Variants in FAM53B observed in about 807,000 individuals in gnomAD.
The protein encoded by FAM53B is family with sequence similarity 53 member B.
A neutral mutation model predicts 32.7 loss-of-function variants in FAM53B; 12 were observed. That is an observed-to-expected ratio of 0.37 (90% confidence interval 0.24 to 0.59). The LOEUF (loss-of-function observed/expected upper bound fraction) is 0.59. Ranked by LOEUF, FAM53B falls within the 20% of genes least tolerant of loss-of-function variation. The pLI is 0.72. For missense variants in FAM53B, 477 were observed against 577.7 expected (o/e 0.83, Z 1.79); for synonymous variants, 234 against 228.7 (o/e 1.02, Z -0.21).
At chr10:124,723,397 C>G (rs1039079323) in intron 1 of FAM53B, among the ~76,000 whole-genome samples, 2 of 152,254 alleles carry the variant, frequency 1.3e-5, no homozygotes, top group African/African-American at 4.8e-5. Context: ...CACAGCACCT[C>G]CTGATTCACG....
intron 3 of FAM53B, among the ~76,000 whole-genome samples, chr10:124,683,974 G>A (rs183132249): frequency 6.6e-6 from 1 of 152,386 alleles, no homozygotes; most frequent in Non-Finnish European, 1.5e-5. Flanking sequence ...AGGGCCAGGA[G>A]CCCAGAGAAA....
Position 124,621,352 on chromosome 10 carries a change from G to A in FAM53B, c.*1890C>T, listed in dbSNP as rs1478563007. ...ACATGGTCTCCATGACCCCCAGGCA[G>A]GGACAGGCCAAGATGTCTCTGTCTG... On this transcript the variant is annotated 3_prime_UTR_variant, in exon 5 of 5. Transcript: ENST00000337318. 1 of 152,324 alleles carries A rather than the reference G, an allele frequency of 6.6e-6. No individual in the cohort carries two copies. The highest frequency in any genetic ancestry group is 1.5e-5 in the Non-Finnish European group (1 of 68,082). 9.4% of individuals were successfully genotyped at this position (152,324 alleles called of 1,614,324 possible).
In FAM53B at chr10:124,619,672, T is replaced by TTTCTC. The variant is rs1949293135; in HGVS notation, c.*3565_*3569dup. The TTTCTC allele has an allele frequency of 6.6e-6, 1 of 152,446 alleles. No homozygotes were observed. Among genetic ancestry groups the TTTCTC allele is most frequent in the Non-Finnish European group, 1.5e-5 (1 of 68,004 alleles). 9.4% of individuals were successfully genotyped at this position (152,446 alleles called of 1,614,324 possible). On this transcript the variant is annotated 3_prime_UTR_variant, in exon 5 of 5. Transcript: ENST00000337318. Reference sequence around the variant, plus strand: ...TCTGCCATTAAAAAAAAAAAAAATCTTTCTCTTCTTTTCTCTTTAAAGAGG... The same window carrying TTTCTC: ...TCTGCCATTAAAAAAAAAAAAAATCTTTCTCTTCTCTTCTTTTCTCTTTAAAGAGG...
At chr10:124,716,800 C>G (rs1465857364) in intron 1 of FAM53B, among the ~76,000 whole-genome samples, 1 of 152,050 alleles carries the variant, frequency 6.6e-6, no homozygotes. Context: ...GAGGAGAACT[C>G]ACACTTACCG....
rs541538833 is a variant in FAM53B at position 124,642,612 on chromosome 10, G to A, written c.907-19008C>T. ...GGCAGCAATGTCCCTGAGTGAACACGGAACCTGAAATCCCCGTGAGTCAGG... is the reference window on the plus strand; with the variant it reads ...GGCAGCAATGTCCCTGAGTGAACACAGAACCTGAAATCCCCGTGAGTCAGG... On this transcript the variant is annotated intron_variant, in intron 4 of 4. Transcript: ENST00000337318. Among the ~76,000 whole-genome samples, 353 of 152,348 alleles carry A rather than the reference G, an allele frequency of 2.3e-3. 3 individuals carry two copies. The highest frequency in any genetic ancestry group is 8.0e-3 in the African/African-American group (331 of 41,580).
chr10:124,689,571 G>A (rs1190825690), intron 3 of FAM53B, among the ~76,000 whole-genome samples: 2 of 152,240 alleles, frequency 1.3e-5, no homozygotes, highest in African/African-American at 4.8e-5. Context: ...AAGGGATTCC[G>A]ATGGCTAGAG....
chr10:124,724,675 G>C (rs1318453319), intron 1 of FAM53B, among the ~76,000 whole-genome samples: 2 of 152,182 alleles, frequency 1.3e-5, no homozygotes, highest in African/African-American at 4.8e-5. Context: ...GTAGGAAGCT[G>C]CAAAACGGTT....
intron 1 of FAM53B, among the ~76,000 whole-genome samples, chr10:124,708,217 T>A (rs1379367340): frequency 6.6e-6 from 1 of 152,228 alleles, no homozygotes; most frequent in East Asian, 1.9e-4. Flanking sequence ...TGTGTAAAAA[T>A]TAATTGCACC....
chr10:124,706,946 A>T, intron 1 of FAM53B, 59 bp from the exon 2 acceptor site: 1 of 1,380,462 alleles, frequency 7.2e-7, no homozygotes. Context: ...GGGCCCTGAG[A>T]GTCACCCCTC....
intron 4 of FAM53B, among the ~76,000 whole-genome samples, chr10:124,677,773 T>C (rs1406908865): frequency 6.6e-6 from 1 of 152,178 alleles, no homozygotes; most frequent in African/African-American, 2.4e-5. Flanking sequence ...CCCACTGCCA[T>C]TAACTGGACA....
chr10:124,698,670 T>C (rs1949891592), intron 2 of FAM53B, among the ~76,000 whole-genome samples: 1 of 151,992 alleles, frequency 6.6e-6, no homozygotes, highest in African/African-American at 2.4e-5. Flanking sequence ...GAAAACTGAC[T>C]CCTCACCACC....
At position 124,620,214 on chromosome 10, in the gene FAM53B, C is replaced by G. The variant is rs2134030626; in HGVS notation, c.*3028G>C. Reference sequence around the variant, plus strand: ...CAGGTGCACGTCTGCCCGTGCAAATCCGGCCTCCACCGCGAGTAAGGCAAG... The same window carrying G: ...CAGGTGCACGTCTGCCCGTGCAAATGCGGCCTCCACCGCGAGTAAGGCAAG... On this transcript the variant is annotated 3_prime_UTR_variant, in exon 5 of 5. Coordinates refer to ENST00000337318, the MANE Select transcript of FAM53B (RefSeq NM_014661.4). 1 of 152,740 alleles carries G rather than the reference C, an allele frequency of 6.5e-6. No individual in the cohort carries two copies. The highest frequency in any genetic ancestry group is 2.1e-4 in the South Asian group (1 of 4,834). The allele number at this position is 152,740 out of a possible 1,614,324, so 9.5% of individuals were successfully genotyped here.
intron 4 of FAM53B, among the ~76,000 whole-genome samples, chr10:124,671,581 C>T (rs894680742): frequency 6.6e-6 from 1 of 152,188 alleles, no homozygotes; most frequent in Non-Finnish European, 1.5e-5. Flanking sequence ...AGGGAAACAG[C>T]GGGGGCCTCC....
At chr10:124,669,582 C>T (rs1409986511) in intron 4 of FAM53B, among the ~76,000 whole-genome samples, 1 of 152,230 alleles carries the variant, frequency 6.6e-6, no homozygotes, top group Non-Finnish European at 1.5e-5. Flanking sequence ...GGGCCAAAGG[C>T]TGGGAGCAGC....
chr10:124,703,990 G>A, intron 2 of FAM53B: 1 of 152,562 alleles, frequency 6.6e-6, no homozygotes, highest in Non-Finnish European at 1.5e-5. Flanking sequence ...GCTGACCTTG[G>A]GCCCACATGT....
rs978878332 is a variant in FAM53B at position 124,623,550 on chromosome 10, C to T, written c.961G>A (p.Gly321Ser). The T allele has an allele frequency of 5.1e-6, 8 of 1,583,112 alleles. No individual in the cohort carries two copies. The Admixed American group carries it at 5.4e-5, about 11-fold the overall frequency. Reference sequence around the variant, plus strand: ...TGGCGGGCGAAGGGGCTCTGGGGACCGCAGTCCTCTGTCCCTGCGCTCAGG... The same window carrying T: ...TGGCGGGCGAAGGGGCTCTGGGGACTGCAGTCCTCTGTCCCTGCGCTCAGG... ...SCLSAGTEDC[G>S]PQSPFARHVS... The change falls in exon 5 of 5, where the codon GGT (glycine) becomes AGT (serine). Residue 321 changes from glycine to serine, a missense_variant. By Grantham distance (56) the Gly-to-Ser change is moderately conservative (BLOSUM62 0). Around this residue, in one of 2 missense-constraint regions of FAM53B, gnomAD observed 165 missense variants for 157.5 expected, o/e 1.05. Transcript: ENST00000337318.
At chr10:124,735,267 G>A (rs1035458697) in intron 1 of FAM53B, among the ~76,000 whole-genome samples, 3 of 152,198 alleles carry the variant, frequency 2.0e-5, no homozygotes, top group African/African-American at 7.2e-5. Context: ...TTCATTCACA[G>A]AAGTGTCGGT....
intron 1 of FAM53B, 106 bp from the exon 2 acceptor site, chr10:124,706,993 T>C: frequency 9.4e-7 from 1 of 1,067,650 alleles, no homozygotes; most frequent in Non-Finnish European, 1.2e-6. Flanking sequence ...TGGAACCACC[T>C]CTCTGCTAAA....
chr10:124,731,667 T>TG (rs1950143909), intron 1 of FAM53B, among the ~76,000 whole-genome samples: 1 of 151,622 alleles, frequency 6.6e-6, no homozygotes. Context: ...CACCTACTGG[T>TG]GGGGTTCCAC....
Sources: gnomAD v4.1 joint callset for allele counts (sites outside exome capture counted in the v4.1 genomes callset) on GRCh38, gnomAD v4.1.1 for gene constraint, gnomAD v4.1.1 regional missense constraint, MANE v1.5 for transcripts, NCBI Gene and HGNC (gene_info 2026-07-23, HGNC 2026-07-21) for gene names.